METTL15: variants seen among roughly 807,000 people sequenced by gnomAD.
The protein encoded by METTL15 is methyltransferase 15, mitochondrial 12S rRNA N4-cytidine.
METTL15 carries 34 observed loss-of-function variants against 38.3 expected under a neutral mutation model. The ratio of observed to expected loss-of-function variants is 0.89; its 90% CI spans 0.68 to 1.18. The LOEUF is 1.18. Ranked by LOEUF, METTL15 falls within the 50% of genes most tolerant of loss-of-function variation. The pLI, the probability that METTL15 is intolerant of heterozygous loss-of-function variation, is 0.00. For missense variants in METTL15, 438 were observed against 498.4 expected (o/e 0.88, Z 1.15); for synonymous variants, 162 against 170.9 (o/e 0.95, Z 0.41).
chr11:28,163,848 T>G, intron 3 of METTL15: 2 of 163,450 alleles, frequency 1.2e-5, no homozygotes, highest in Non-Finnish European at 1.3e-5. Context: ...TGAACATATG[T>G]CCCCTCTTGT....
At chr11:28,260,648 C>T (rs1389001675) in intron 4 of METTL15, among the ~76,000 whole-genome samples, 3 of 152,090 alleles carry the variant, frequency 2.0e-5, no homozygotes, top group African/African-American at 7.2e-5. Flanking sequence ...CAGATAAATG[C>T]ATTTGAAGAG....
chr11:28,316,630 G>A (rs748743596), intron 6 of METTL15, among the ~76,000 whole-genome samples: 2 of 152,150 alleles, frequency 1.3e-5, no homozygotes, highest in African/African-American at 2.4e-5. Context: ...GGAATGACAT[G>A]GTTTGGCTCT....
At chr11:28,275,813 A>G (rs1855820273) in intron 4 of METTL15, among the ~76,000 whole-genome samples, 1 of 152,098 alleles carries the variant, frequency 6.6e-6, no homozygotes, top group Non-Finnish European at 1.5e-5. Context: ...AATAAACATA[A>G]TACATCACAT....
At chr11:28,301,429 G>A (rs1403874221) in intron 6 of METTL15, among the ~76,000 whole-genome samples, 1 of 151,850 alleles carries the variant, frequency 6.6e-6, no homozygotes, top group Non-Finnish European at 1.5e-5. Flanking sequence ...CCCTTGTCTG[G>A]CACTTATTAT....
In METTL15 at chr11:28,256,997, G is replaced by A. The variant is rs532132386; in HGVS notation, c.408-33209G>A. Among the ~76,000 whole-genome samples, 6 of 152,122 alleles carry A rather than the reference G, an allele frequency of 3.9e-5. No homozygotes were observed. In the East Asian group the frequency reaches 7.7e-4, roughly 20 times the overall value. ...TATATTTTGTACTTTGCATGTATTT[G>A]TATAGTTTCCAAAATTCCACTAGTT... On this transcript the variant is annotated intron_variant, in intron 4 of 6. Coordinates refer to ENST00000407364, the MANE Select transcript of METTL15 (RefSeq NM_001113528.2).
chr11:28,175,858 G>T (rs1341897420), intron 3 of METTL15, among the ~76,000 whole-genome samples: 1 of 151,894 alleles, frequency 6.6e-6, no homozygotes, highest in African/African-American at 2.4e-5. Context: ...AGACAAATTC[G>T]TGCCCTCAAG....
At chr11:28,516,489 A>G (rs1209612669) in intron 6 of METTL15, among the ~76,000 whole-genome samples, 1 of 152,208 alleles carries the variant, frequency 6.6e-6, no homozygotes, top group Non-Finnish European at 1.5e-5. Flanking sequence ...CTTGCCTATC[A>G]GGTCTTTGTA....
chr11:28,516,034 C>G (rs1266132608), intron 6 of METTL15, among the ~76,000 whole-genome samples: 1 of 152,206 alleles, frequency 6.6e-6, no homozygotes, highest in Non-Finnish European at 1.5e-5. Context: ...TTAGTTCATA[C>G]TCATCAAGTG....
intron 4 of METTL15, among the ~76,000 whole-genome samples, chr11:28,356,008 G>A (rs764561813): frequency 6.6e-6 from 1 of 152,110 alleles, no homozygotes; most frequent in African/African-American, 2.4e-5. Flanking sequence ...GCTGTTGCAC[G>A]TGTTGTCTCT....
rs147234963 is a variant in METTL15, at chr11:28,129,866, A to G, written c.270+16262A>G. Among the ~76,000 whole-genome samples, 384 of 152,348 alleles carry G rather than the reference A, an allele frequency of 2.5e-3. 3 individuals carry two copies. Among genetic ancestry groups the G allele is most frequent in the East Asian group, 0.018 (95 of 5,186 alleles). ...AGTGTGGAGGGGATAAACTATGCCC[A>G]GAAGATTTATCTTATAATTAAAGGC... On this transcript the variant is annotated intron_variant, in intron 3 of 6. Coordinates refer to ENST00000407364, the MANE Select transcript of METTL15 (RefSeq NM_001113528.2).
At chr11:28,283,075 A>G (rs568065795) in intron 4 of METTL15, among the ~76,000 whole-genome samples, 3 of 152,272 alleles carry the variant, frequency 2.0e-5, no homozygotes, top group East Asian at 1.9e-4. Context: ...TTAAAGATGT[A>G]TAATTACTTA....
At chr11:28,329,009 G>T (rs1319642679) in intron 6 of METTL15, among the ~76,000 whole-genome samples, 2 of 152,012 alleles carry the variant, frequency 1.3e-5, no homozygotes, top group East Asian at 3.8e-4. Flanking sequence ...CACAATTTTG[G>T]TGTCATATCT....
At chr11:28,489,610 G>GA (rs947802649) in intron 6 of METTL15, among the ~76,000 whole-genome samples, 80 of 151,506 alleles carry the variant, frequency 5.3e-4, no homozygotes, top group African/African-American at 1.9e-3. Flanking sequence ...GAAGCCCAGA[G>GA]AGAGAGAGAG....
intron 6 of METTL15, among the ~76,000 whole-genome samples, chr11:28,449,739 C>G (rs906518703): frequency 6.6e-6 from 1 of 152,136 alleles, no homozygotes; most frequent in African/African-American, 2.4e-5. Context: ...GCTTCTTCAT[C>G]TGGGAGCCAT....
At chr11:28,375,399 G>T (rs1850297690) in intron 5 of METTL15, among the ~76,000 whole-genome samples, 1 of 152,046 alleles carries the variant, frequency 6.6e-6, no homozygotes, top group Non-Finnish European at 1.5e-5. Context: ...TCTTGGGATA[G>T]TGTATGTGTC....
At chr11:28,415,555 G>T (rs1399056460) in intron 5 of METTL15, among the ~76,000 whole-genome samples, 2 of 152,166 alleles carry the variant, frequency 1.3e-5, no homozygotes, top group Middle Eastern at 3.2e-3. Context: ...GTTCAAAGTG[G>T]CACAACTGGT....
intron 3 of METTL15, among the ~76,000 whole-genome samples, chr11:28,175,285 T>C (rs1022577302): frequency 6.6e-6 from 1 of 152,222 alleles, no homozygotes; most frequent in African/African-American, 2.4e-5. Context: ...ACTCATCTTT[T>C]TTTATGGCTG....
At chr11:28,469,822 C>T (rs1329156369) in intron 6 of METTL15, among the ~76,000 whole-genome samples, 16 of 151,816 alleles carry the variant, frequency 1.1e-4, no homozygotes, top group African/African-American at 2.2e-4. Context: ...AAACAGGACA[C>T]GGGAATGTAA....
At chr11:28,488,626 T>C (rs560554165) in intron 6 of METTL15, among the ~76,000 whole-genome samples, 6 of 152,284 alleles carry the variant, frequency 3.9e-5, no homozygotes, top group Non-Finnish European at 7.4e-5. Flanking sequence ...AAATTCAAGA[T>C]GTAGCTCTGC....
Sources: gnomAD v4.1 joint callset for allele counts (sites outside exome capture counted in the v4.1 genomes callset) on GRCh38, gnomAD v4.1.1 for gene constraint, MANE v1.5 for transcripts, NCBI Gene and HGNC (gene_info 2026-07-23, HGNC 2026-07-21) for gene names.